Variants in ZNF599 observed in about 807,000 individuals in gnomAD.
ZNF599 encodes zinc finger protein 599.
Under a neutral mutation model 11.7 loss-of-function variants are expected in ZNF599, and 10 were observed. The observed-to-expected ratio is 0.86, with a 90% CI of 0.53 to 1.45. The LOEUF (loss-of-function observed/expected upper bound fraction) is 1.45. Ranked by LOEUF, ZNF599 falls within the 40% of genes most tolerant of loss-of-function variation. The probability of loss-of-function intolerance (pLI) is 0.00; values close to 1 mark genes in which losing one functional copy is unlikely to be tolerated. For missense variants in ZNF599, 688 were observed against 713.6 expected (o/e 0.96, Z 0.41); for synonymous variants, 232 against 253.2 (o/e 0.92, Z 0.79).
Position 34,759,548 on chromosome 19 carries a change from G to A in ZNF599, c.1253C>T (p.Thr418Ile), listed in dbSNP as rs368143719. The A allele has an allele frequency of 9.0e-5, 145 of 1,613,650 alleles. No homozygotes were observed. The highest frequency in any genetic ancestry group is 1.2e-4 in the Non-Finnish European group (142 of 1,179,980). Reference protein sequence around the residue: ...STFIRHKRTHTGEKPFECKEC... With the variant: ...STFIRHKRTHIGEKPFECKEC... Reference sequence around the variant, plus strand: ...TTTGCACTCAAAGGGCTTCTCTCCGGTATGGGTCCTCTTATGTCGGATGAA... The same window carrying A: ...TTTGCACTCAAAGGGCTTCTCTCCGATATGGGTCCTCTTATGTCGGATGAA... Residue 418 changes from threonine (T) to isoleucine (I), a missense_variant, in exon 4 of 4, where the codon ACC (threonine) becomes ATC (isoleucine). Coordinates refer to ENST00000329285, the MANE Select transcript of ZNF599 (RefSeq NM_001007248.3).
chr19:34,777,387 A>AAT (rs2069223167), upstream of ZNF599, among the ~76,000 whole-genome samples: 1 of 89,316 alleles, frequency 1.1e-5, no homozygotes, highest in Non-Finnish European at 2.0e-5. Context: ...TATATTAATT[A>AAT]ATATATAATA....
At position 34,771,631 on chromosome 19, in the gene ZNF599, A is replaced by G. The variant is rs550698284; in HGVS notation, c.18+1193T>C. 7.7e-4 allele frequency among the ~76,000 whole-genome samples: 117 copies of G among 152,250 alleles called. 1 individual carries two copies. Among genetic ancestry groups the G allele is most frequent in the Non-Finnish European group, 8.8e-4 (60 of 68,010 alleles). On this transcript the variant is annotated intron_variant, in intron 1 of 3. Coordinates refer to ENST00000329285, the MANE Select transcript of ZNF599 (RefSeq NM_001007248.3). Reference sequence around the variant, plus strand: ...AGCTTGGCATGTGCAGGAGAGAAGAATGGCAGGGGGAGTGTCCTGGTGGAT... The same window carrying G: ...AGCTTGGCATGTGCAGGAGAGAAGAGTGGCAGGGGGAGTGTCCTGGTGGAT...
At chr19:34,783,664 A>C in the ZNF599 span, among the ~76,000 whole-genome samples, 3 of 152,176 alleles carry the variant, frequency 2.0e-5, no homozygotes. Context: ...GAAAATATAG[A>C]AAATATTTTT....
chr19:34,781,825 A>C, the ZNF599 span, among the ~76,000 whole-genome samples: 1 of 152,210 alleles, frequency 6.6e-6, no homozygotes, highest in African/African-American at 2.4e-5. Context: ...ATTAATGGAA[A>C]TGCACATCTC....
At chr19:34,772,580 C>A (rs1374969681) in intron 1 of ZNF599, 5 of 1,336,834 alleles carry the variant, frequency 3.7e-6, no homozygotes, top group Non-Finnish European at 4.8e-6. Context: ...CCGAGGGCAG[C>A]GAGGCGACAG....
At chr19:34,781,146 ACT>A in the ZNF599 span, among the ~76,000 whole-genome samples, 5 of 151,622 alleles carry the variant, frequency 3.3e-5, no homozygotes, top group Non-Finnish European at 7.4e-5. Flanking sequence ...ATAGAGCGAG[ACT>A]CTGTCTCAAA....
At chr19:34,777,397 A>AT (rs1313563348), upstream of ZNF599, among the ~76,000 whole-genome samples, 4 of 87,788 alleles carry the variant, frequency 4.6e-5, no homozygotes, top group Non-Finnish European at 6.0e-5. Flanking sequence ...AATATATAAT[A>AT]TATATTATAT....
chr19:34,787,100 C>T, the ZNF599 span, among the ~76,000 whole-genome samples: 2 of 152,098 alleles, frequency 1.3e-5, no homozygotes, highest in East Asian at 1.9e-4. Context: ...AGGGAATGCT[C>T]ATTAAAATCC....
At chr19:34,775,119 G>A (rs1021328970), upstream of ZNF599, among the ~76,000 whole-genome samples, 6 of 152,170 alleles carry the variant, frequency 3.9e-5, no homozygotes, top group Non-Finnish European at 8.8e-5. Flanking sequence ...CTAGTGCTAT[G>A]CTTCCTGTAC....
chr19:34,781,994 G>A, the ZNF599 span, among the ~76,000 whole-genome samples: 1 of 152,198 alleles, frequency 6.6e-6, no homozygotes, highest in African/African-American at 2.4e-5. Flanking sequence ...GGAGTGATAT[G>A]GATGAGGTAT....
chr19:34,777,973 TA>T (rs1324931829), upstream of ZNF599, among the ~76,000 whole-genome samples: 1 of 152,072 alleles, frequency 6.6e-6, no homozygotes, highest in African/African-American at 2.4e-5. Flanking sequence ...TAAGCGTTCT[TA>T]CTACAGTAAA....
chr19:34,786,868 C>T, the ZNF599 span, among the ~76,000 whole-genome samples: 14 of 152,158 alleles, frequency 9.2e-5, no homozygotes, highest in African/African-American at 3.1e-4. Flanking sequence ...ACTCAATAAC[C>T]TACATTCAAA....
At chr19:34,796,254 G>A in the ZNF599 span, among the ~76,000 whole-genome samples, 3 of 151,928 alleles carry the variant, frequency 2.0e-5, no homozygotes, top group Non-Finnish European at 4.4e-5. Context: ...TACCCAACTA[G>A]TGATTCTGTG....
chr19:34,758,745 C>T lies in ZNF599; in HGVS notation c.*289G>A. On this transcript the variant is annotated 3_prime_UTR_variant, in exon 4 of 4. Transcript: ENST00000329285. ...GAGGAAAGTTGTTCCTGACATTTTA[C>T]CTAAATGCATGTTAACCACCAGGTC... 3.6e-6 allele frequency: 1 copy of T among 281,452 alleles called. No homozygotes were observed. Among genetic ancestry groups the T allele is most frequent in the Non-Finnish European group, 6.6e-6 (1 of 150,714 alleles). 17.4% of individuals were successfully genotyped at this position (281,452 alleles called of 1,614,324 possible). A position where few individuals can be genotyped will look rare whatever the true frequency, so the allele number is the denominator to read the frequency against.
upstream of ZNF599, among the ~76,000 whole-genome samples, chr19:34,773,700 C>CT (rs2069201366): frequency 7.3e-6 from 1 of 137,118 alleles, no homozygotes; most frequent in African/African-American, 2.5e-5. Context: ...ATCAGGTACT[C>CT]TGGGGGGTGG....
chr19:34,797,034 A>G, the ZNF599 span, among the ~76,000 whole-genome samples: 113 of 144,602 alleles, frequency 7.8e-4, no homozygotes, highest in Non-Finnish European at 1.4e-3. Context: ...TCATTGTTCA[A>G]TTCCCACCTA....
the ZNF599 span, among the ~76,000 whole-genome samples, chr19:34,798,037 G>A: frequency 8.5e-5 from 13 of 152,306 alleles, no homozygotes; most frequent in African/African-American, 3.1e-4. Flanking sequence ...TCTTGGTGAT[G>A]TGAAACCTCC....
chr19:34,806,089 C>T, the ZNF599 span, among the ~76,000 whole-genome samples: 4 of 152,100 alleles, frequency 2.6e-5, no homozygotes, highest in Non-Finnish European at 5.9e-5. Flanking sequence ...AAGGTTGGGA[C>T]CAGTGAGGGC....
intron 1 of ZNF599, 176 bp downstream of exon 1, chr19:34,772,648 G>A (rs2069190772): frequency 7.1e-7 from 1 of 1,403,200 alleles, no homozygotes; most frequent in African/African-American, 1.5e-5. Flanking sequence ...CTGGATTCAG[G>A]ACCCTGGGTA....
Sources: gnomAD v4.1 joint callset for allele counts (sites outside exome capture counted in the v4.1 genomes callset) on GRCh38, gnomAD v4.1.1 for gene constraint, MANE v1.5 for transcripts, NCBI Gene and HGNC (gene_info 2026-07-23, HGNC 2026-07-21) for gene names.